The following CYREN variants were observed in gnomAD, a reference collection of about 807,000 sequenced individuals.
CYREN encodes the protein cell cycle regulator of NHEJ, also known as cell cycle regulator of non-homologous end joining.
A neutral mutation model predicts 9.7 loss-of-function variants in CYREN; 7 were observed. The observed-to-expected ratio is 0.72, with a 90% CI of 0.41 to 1.36. CYREN has a LOEUF of 1.36. CYREN is among the 40% of genes most tolerant of loss of function. The pLI is 0.01. For synonymous variants in CYREN, 76 were observed against 77.9 expected, an observed-to-expected ratio of 0.98 and a Z score of 0.13; for missense variants, 215 against 198.1, an observed-to-expected ratio of 1.09 and a Z score of -0.51.
At chr7:135,103,536 G>A (rs10225082) in intron 2 of CYREN, among the ~76,000 whole-genome samples, 6,783 of 151,938 alleles carry the variant, frequency 0.045, 207 homozygotes, top group African/African-American at 0.071. Flanking sequence ...TATCTGATCC[G>A]TCTGCACTGT....
At chr7:135,145,630 C>G (rs1829530727) in intron 2 of CYREN, among the ~76,000 whole-genome samples, 1 of 152,064 alleles carries the variant, frequency 6.6e-6, no homozygotes, top group South Asian at 2.1e-4. Context: ...GAAAACCAAG[C>G]AAGCAAACAA....
intron 2 of CYREN, among the ~76,000 whole-genome samples, chr7:135,105,380 T>C (rs977602881): frequency 6.6e-6 from 1 of 152,182 alleles, no homozygotes; most frequent in African/African-American, 2.4e-5. Context: ...TACATTCAAG[T>C]TTTTAATCCA....
At chr7:135,099,882 C>CTTTTTTTTTTTTTTT in intron 2 of CYREN, 1 of 62,700 alleles carries the variant, frequency 1.6e-5, no homozygotes, top group Non-Finnish European at 2.8e-5. Flanking sequence ...CTGAGTTTCT[C>CTTTTTTTTTTTTTTT]TTTTTTTTTT....
chr7:135,141,332 T>A (rs1364522815), intron 2 of CYREN, among the ~76,000 whole-genome samples: 6 of 152,144 alleles, frequency 3.9e-5, no homozygotes, highest in African/African-American at 1.2e-4. Flanking sequence ...GGTTTTCTAG[T>A]TTGTATGCAT....
At chr7:135,160,311 G>A (rs1829896631) in intron 2 of CYREN, among the ~76,000 whole-genome samples, 1 of 152,172 alleles carries the variant, frequency 6.6e-6, no homozygotes, top group Non-Finnish European at 1.5e-5. Flanking sequence ...CAGTGACTCA[G>A]CAGTCTCCCC....
chr7:135,152,750 A>C (rs1261603299), intron 2 of CYREN: 5 of 152,214 alleles, frequency 3.3e-5, no homozygotes, highest in Non-Finnish European at 7.3e-5. Context: ...AATTAAAAGA[A>C]AGGCCCTAGG....
At chr7:135,126,755 A>C (rs1187609599) in intron 2 of CYREN, among the ~76,000 whole-genome samples, 10 of 152,234 alleles carry the variant, frequency 6.6e-5, no homozygotes, top group Non-Finnish European at 1.5e-4. Flanking sequence ...CCTGACAAAA[A>C]CAAGCAATGG....
rs539117778 is a variant in CYREN, at chr7:135,134,936, C to A, written n.356+33813G>T. Reference sequence around the variant, plus strand: ...TTTGTAATCCAAGGGGATGTTATGGCAAACTCTTCAGAATGGGTCCAGTCT... The same window carrying A: ...TTTGTAATCCAAGGGGATGTTATGGAAAACTCTTCAGAATGGGTCCAGTCT... On this transcript the variant is annotated intron_variant and non_coding_transcript_variant, in intron 2 of 2. Transcript: ENST00000459937. The A allele has an allele frequency of 3.9e-6, 6 of 1,551,040 alleles. No homozygotes were observed. The East Asian group carries it at 1.5e-4, about 38-fold the overall frequency.
At chr7:135,122,155 G>A (rs541166787) in intron 2 of CYREN, among the ~76,000 whole-genome samples, 15 of 152,304 alleles carry the variant, frequency 9.8e-5, no homozygotes, top group African/African-American at 2.9e-4. Flanking sequence ...TGGTGGAAGG[G>A]CATCATCCAT....
At chr7:135,152,533 G>T (rs189685781) in intron 2 of CYREN, among the ~76,000 whole-genome samples, 1 of 152,360 alleles carries the variant, frequency 6.6e-6, no homozygotes, top group Admixed American at 6.5e-5. Flanking sequence ...CTACATGGTT[G>T]TAAGAAATTA....
intron 2 of CYREN, among the ~76,000 whole-genome samples, chr7:135,105,645 A>C (rs1824592042): frequency 6.6e-6 from 1 of 152,188 alleles, no homozygotes; most frequent in African/African-American, 2.4e-5. Flanking sequence ...CCTATAATAT[A>C]GTTTGAAGTC....
intron 2 of CYREN, among the ~76,000 whole-genome samples, chr7:135,117,658 C>T (rs1394265997): frequency 6.6e-6 from 1 of 152,176 alleles, no homozygotes; most frequent in Non-Finnish European, 1.5e-5. Context: ...CAACAAAAAT[C>T]AACCTGACAA....
At chr7:135,170,872 C>G (rs2117579711), upstream of CYREN, 1 of 152,362 alleles carries the variant, frequency 6.6e-6, no homozygotes, top group South Asian at 2.1e-4. Context: ...GCGCCCCATG[C>G]TGGCAGTGGT....
intron 2 of CYREN, among the ~76,000 whole-genome samples, chr7:135,130,093 A>G (rs1407861586): frequency 6.6e-6 from 1 of 152,170 alleles, no homozygotes; most frequent in Non-Finnish European, 1.5e-5. Flanking sequence ...TTCCCTCAGT[A>G]CTACTCCTTA....
intron 2 of CYREN, among the ~76,000 whole-genome samples, chr7:135,150,543 C>T (rs1429988819): frequency 2.0e-5 from 3 of 152,236 alleles, no homozygotes; most frequent in Non-Finnish European, 2.9e-5. Context: ...GCTGACCCCA[C>T]GAGTCGAAGT....
In CYREN at chr7:135,169,717, C is replaced by T. The variant is rs1319216219; in HGVS notation, c.-138-657G>A. Among the ~76,000 whole-genome samples, 4 of 152,098 alleles carry T rather than the reference C, an allele frequency of 2.6e-5. No homozygotes were observed. In the East Asian group the frequency reaches 7.7e-4, roughly 29 times the overall value. On this transcript the variant is annotated intron_variant, in intron 1 of 3. Transcript: ENST00000393114. ...CACTCAGCAGTCCTGGAGCTCAGTC[C>T]TCACCCAGAGAGATGGAGTTGTGAC...
At chr7:135,123,250 A>C (rs113954552) in intron 2 of CYREN, among the ~76,000 whole-genome samples, 7,744 of 152,318 alleles carry the variant, frequency 0.051, 261 homozygotes, top group Non-Finnish European at 0.08. Flanking sequence ...TGAAGCATAC[A>C]CAAGTATCAA....
At chr7:135,172,406 G>A (rs188319369), upstream of CYREN, among the ~76,000 whole-genome samples, 1,137 of 143,828 alleles carry the variant, frequency 7.9e-3, 7 homozygotes, top group Admixed American at 0.021. Context: ...GTAAAAGTGT[G>A]TGTGCCCTCT....
At chr7:135,095,854 T>C (rs1822589548) in intron 2 of CYREN, among the ~76,000 whole-genome samples, 2 of 152,134 alleles carry the variant, frequency 1.3e-5, no homozygotes, top group South Asian at 4.1e-4. Flanking sequence ...TCTGGAGTGC[T>C]AACAATTCAT....
Sources: allele counts gnomAD v4.1 joint callset (sites outside exome capture counted in the v4.1 genomes callset), GRCh38; gene constraint gnomAD v4.1.1; transcripts MANE v1.5; gene names NCBI Gene and HGNC (gene_info 2026-07-23, HGNC 2026-07-21).